SPRED1: variants seen among roughly 807,000 people sequenced by gnomAD.
SPRED1 encodes sprouty related EVH1 domain containing 1.
Under a neutral mutation model 52.3 loss-of-function variants are expected in SPRED1, and 18 were observed. The ratio of observed to expected loss-of-function variants is 0.34; its 90% CI spans 0.24 to 0.51. The LOEUF is 0.51. Ranked by LOEUF, SPRED1 falls within the 20% of genes least tolerant of loss-of-function variation. The pLI is 0.97. For missense variants in SPRED1, 485 were observed against 551.0 expected, an observed-to-expected ratio of 0.88 and a Z score of 1.20; for synonymous variants, 155 against 179.7, an observed-to-expected ratio of 0.86 and a Z score of 1.10.
chr15:38,331,747 A>G (rs17572257), intron 4 of SPRED1, among the ~76,000 whole-genome samples: 25,173 of 152,092 alleles, frequency 0.17, 2,296 homozygotes, highest in Non-Finnish European at 0.2. Flanking sequence ...GCAGAGATGT[A>G]AGGAAATGTA....
intron 2 of SPRED1, among the ~76,000 whole-genome samples, chr15:38,321,672 C>T (rs1309724305): frequency 2.0e-5 from 3 of 152,208 alleles, no homozygotes; most frequent in African/African-American, 7.2e-5. Flanking sequence ...CAACTCACTG[C>T]AACCTCCACC....
chr15:38,349,569 A>AT, intron 6 of SPRED1, 46 bp downstream of exon 6: 31 of 1,037,910 alleles, frequency 3.0e-5, no homozygotes, highest in Non-Finnish European at 4.1e-5. Flanking sequence ...TAACTAATTA[A>AT]TAGATAGGTA....
chr15:38,335,002 AC>A (rs1555391680), intron 4 of SPRED1, among the ~76,000 whole-genome samples: 1 of 151,890 alleles, frequency 6.6e-6, no homozygotes, highest in Non-Finnish European at 1.5e-5. Context: ...CCTATTTTTT[AC>A]ATCTTTCCTA....
rs532683154 is a variant in SPRED1, at chr15:38,308,317, C to T, written c.207+8770C>T. Among the ~76,000 whole-genome samples the T allele has an allele frequency of 2.6e-5, 4 of 152,314 alleles. No individual in the cohort carries two copies. In the East Asian group the frequency reaches 5.8e-4, roughly 22 times the overall value. ...GCAAAACTATATTGTCATATCACAG[C>T]GAGGATATTTCTGTTGATACAATCT... On this transcript the variant is annotated intron_variant, in intron 2 of 6. Coordinates refer to ENST00000299084, the MANE Select transcript of SPRED1 (RefSeq NM_152594.3).
intron 2 of SPRED1, among the ~76,000 whole-genome samples, chr15:38,304,095 C>T (rs921039194): frequency 6.6e-5 from 10 of 152,020 alleles, no homozygotes; most frequent in African/African-American, 1.4e-4. Context: ...TAGCCTAAAA[C>T]GAAATTAGAA....
intron 2 of SPRED1, among the ~76,000 whole-genome samples, chr15:38,307,526 ACCT>A (rs955857666): frequency 6.6e-6 from 1 of 152,178 alleles, no homozygotes; most frequent in African/African-American, 2.4e-5. Flanking sequence ...CACCTTTATG[ACCT>A]CATTTAACCT....
At chr15:38,272,276 G>GTTTTTTTTT (rs1555387949) in intron 1 of SPRED1, among the ~76,000 whole-genome samples, 76,342 of 130,026 alleles carry the variant, frequency 0.59, 23,406 homozygotes, top group Middle Eastern at 0.67. Flanking sequence ...CGAATGCTAG[G>GTTTTTTTTT]TTTTTTTTTT....
chr15:38,341,354 C>T (rs1041636502), intron 5 of SPRED1, among the ~76,000 whole-genome samples: 3 of 150,798 alleles, frequency 2.0e-5, no homozygotes, highest in African/African-American at 7.3e-5. Context: ...TTAGCTTTAC[C>T]CTTCTTGGTT....
rs1445191499 is a variant in SPRED1 at position 38,351,916 on chromosome 15, AAGTC to A, written c.*255_*258del. 1.8e-6 allele frequency: 1 copy of A among 566,724 alleles called. No homozygotes were observed. The highest frequency in any genetic ancestry group is 3.1e-6 in the Non-Finnish European group (1 of 319,828). 35.1% of individuals were successfully genotyped at this position (566,724 alleles called of 1,614,324 possible). ...CCATTTCTGGTTATTTGGCTATAAA[AAGTC>A]AGCATAAAATATGATCCAACTAAAA... On this transcript the variant is annotated 3_prime_UTR_variant, in exon 7 of 7. Coordinates refer to ENST00000299084, the MANE Select transcript of SPRED1 (RefSeq NM_152594.3).
chr15:38,270,638 T>G (rs1340018156), intron 1 of SPRED1, among the ~76,000 whole-genome samples: 1 of 152,112 alleles, frequency 6.6e-6, no homozygotes, highest in Non-Finnish European at 1.5e-5. Context: ...ATCTGAGAAC[T>G]CTATCACAAG....
chr15:38,253,576 C>T lies in SPRED1; in HGVS notation c.32+359C>T, dbSNP rs1894029162. On this transcript the variant is annotated intron_variant, in intron 1 of 6. Coordinates refer to ENST00000299084, the MANE Select transcript of SPRED1 (RefSeq NM_152594.3). ...ATACCAGTCACCATACCTTCAGTAT[C>T]CATCCTACTTCCTTTATAGCTGTTT... Among the ~76,000 whole-genome samples, 5 of 152,256 alleles carry T rather than the reference C, an allele frequency of 3.3e-5. No individual in the cohort carries two copies. The South Asian group carries it at 1.0e-3, about 32-fold the overall frequency.
chr15:38,313,209 A>C (rs971895944), intron 2 of SPRED1, among the ~76,000 whole-genome samples: 2 of 152,040 alleles, frequency 1.3e-5, no homozygotes, highest in Non-Finnish European at 2.9e-5. Context: ...TACAGTCCCT[A>C]TTCCAGTTTT....
Position 38,356,607 on chromosome 15 carries a change from AT to A in SPRED1, c.*4944del, listed in dbSNP as rs1888627357. Reference sequence around the variant, plus strand: ...GAAAGTTCACATATAGTTCATCTTAATAACATATTTATTCATCCTTAATTGT... The same window carrying A: ...GAAAGTTCACATATAGTTCATCTTAAAACATATTTATTCATCCTTAATTGT... On this transcript the variant is annotated 3_prime_UTR_variant, in exon 7 of 7. Coordinates refer to ENST00000299084, the MANE Select transcript of SPRED1 (RefSeq NM_152594.3). 1 of 152,110 alleles carries A rather than the reference AT, an allele frequency of 6.6e-6. No homozygotes were observed. Among genetic ancestry groups the A allele is most frequent in the Non-Finnish European group, 1.5e-5 (1 of 67,962 alleles). 9.4% of individuals were successfully genotyped at this position (152,110 alleles called of 1,614,324 possible). A position where few individuals can be genotyped will look rare whatever the true frequency, so the allele number is the denominator to read the frequency against.
intron 1 of SPRED1, among the ~76,000 whole-genome samples, chr15:38,261,494 C>G (rs1458890946): frequency 6.6e-6 from 1 of 152,142 alleles, no homozygotes; most frequent in African/African-American, 2.4e-5. Flanking sequence ...TAAATTTCAG[C>G]CTAATATCAG....
At chr15:38,334,145 G>GA (rs1025354432) in intron 4 of SPRED1, among the ~76,000 whole-genome samples, 1 of 151,662 alleles carries the variant, frequency 6.6e-6, no homozygotes, top group Non-Finnish European at 1.5e-5. Context: ...GAATTTCACT[G>GA]AAAAAAAATT....
intron 2 of SPRED1, among the ~76,000 whole-genome samples, chr15:38,311,199 T>C (rs1420357212): frequency 6.6e-6 from 1 of 152,182 alleles, no homozygotes; most frequent in Non-Finnish European, 1.5e-5. Context: ...TTGATCACAT[T>C]AGCCTGTTGA....
intron 4 of SPRED1, chr15:38,325,947 G>C (rs968256536): frequency 3.3e-5 from 5 of 152,184 alleles, no homozygotes; most frequent in African/African-American, 1.2e-4. Context: ...GACTAATGCA[G>C]ATTCTGAAGA....
intron 1 of SPRED1, among the ~76,000 whole-genome samples, chr15:38,273,598 G>A (rs1441303253): frequency 6.8e-6 from 1 of 147,924 alleles, no homozygotes; most frequent in Non-Finnish European, 1.5e-5. Flanking sequence ...TAGGACTTTA[G>A]TGTTTTTAAA....
At chr15:38,269,430 A>T (rs1378237245) in intron 1 of SPRED1, among the ~76,000 whole-genome samples, 1 of 151,924 alleles carries the variant, frequency 6.6e-6, no homozygotes, top group Non-Finnish European at 1.5e-5. Flanking sequence ...TTTTGTAGAG[A>T]CAGGGTCTTG....
Sources: gnomAD v4.1 joint callset for allele counts (sites outside exome capture counted in the v4.1 genomes callset) on GRCh38, gnomAD v4.1.1 for gene constraint, MANE v1.5 for transcripts, NCBI Gene and HGNC (gene_info 2026-07-23, HGNC 2026-07-21) for gene names.